ITPR1: variants seen among roughly 807,000 people sequenced by gnomAD.
ITPR1 encodes inositol 1,4,5-trisphosphate-gated calcium channel ITPR1.
In ITPR1, 96 loss-of-function variants were observed where a neutral mutation model predicts 318.4. That is an observed-to-expected ratio of 0.30 (90% confidence interval 0.26 to 0.36). The LOEUF (loss-of-function observed/expected upper bound fraction) is 0.36, where lower values mean the gene tolerates loss of function less well. Among genes scored for constraint, ITPR1 ranks in the 10% least tolerant of loss-of-function variants. The pLI, the probability that ITPR1 is intolerant of heterozygous loss-of-function variation, is 1.00. For missense variants in ITPR1, 2,440 were observed against 3,460.2 expected, an observed-to-expected ratio of 0.71 and a Z score of 7.40; for synonymous variants, 1,312 against 1,289.9, an observed-to-expected ratio of 1.02 and a Z score of -0.37.
rs145736829 is a variant in ITPR1 at position 4,777,631 on chromosome 3, A to T, written c.6291+257A>T. On this transcript the variant is annotated intron_variant, in intron 48 of 61. Coordinates refer to ENST00000649015, the MANE Select transcript of ITPR1 (RefSeq NM_001378452.1). Reference sequence around the variant, plus strand: ...TGAAGATTCCTTGCTCCAAGCTAAGAAGTGAATCCCAACAGCATCGAGTAC... The same window carrying T: ...TGAAGATTCCTTGCTCCAAGCTAAGTAGTGAATCCCAACAGCATCGAGTAC... Among the ~76,000 whole-genome samples the T allele has an allele frequency of 3.2e-3, 484 of 152,320 alleles. 1 individual carries two copies. Among genetic ancestry groups the T allele is most frequent in the African/African-American group, 0.011 (461 of 41,584 alleles).
intron 51 of ITPR1, among the ~76,000 whole-genome samples, chr3:4,784,488 G>A (rs1318381465): frequency 6.6e-6 from 1 of 151,858 alleles, no homozygotes; most frequent in Non-Finnish European, 1.5e-5. Flanking sequence ...TGAGAAGTCT[G>A]GGCTGCATCC....
intron 12 of ITPR1, among the ~76,000 whole-genome samples, chr3:4,656,200 A>C (rs2093704639): frequency 6.6e-6 from 1 of 152,230 alleles, no homozygotes; most frequent in Non-Finnish European, 1.5e-5. Flanking sequence ...AAAGGATGTC[A>C]GGACGCTGCC....
chr3:4,736,142 G>C (rs2043248586), intron 44 of ITPR1, among the ~76,000 whole-genome samples: 1 of 109,184 alleles, frequency 9.2e-6, no homozygotes, highest in African/African-American at 2.7e-5. Context: ...CTCTGAATAA[G>C]AGTTTTTTTT....
intron 1 of ITPR1, among the ~76,000 whole-genome samples, chr3:4,493,886 CTTT>C (rs71301158): frequency 1.6e-5 from 2 of 125,580 alleles, no homozygotes; most frequent in African/African-American, 5.9e-5. Flanking sequence ...GGAAATAGTT[CTTT>C]TTTTTTTTTT....
At chr3:4,675,314 CATACCCT>C (rs1344860463) in intron 23 of ITPR1, 66 bp downstream of exon 23, 4 of 1,162,386 alleles carry the variant, frequency 3.4e-6, no homozygotes, top group Non-Finnish European at 5.0e-6. Context: ...ATGCTCATGT[CATACCCT>C]ATATGTGATG....
At chr3:4,542,021 C>T (rs1323474896) in intron 4 of ITPR1, among the ~76,000 whole-genome samples, 1 of 152,096 alleles carries the variant, frequency 6.6e-6, no homozygotes, top group African/African-American at 2.4e-5. Context: ...TATTTCTGTT[C>T]TATTATAATC....
intron 4 of ITPR1, among the ~76,000 whole-genome samples, chr3:4,602,798 A>G (rs1410744322): frequency 6.6e-6 from 1 of 152,132 alleles, no homozygotes; most frequent in Non-Finnish European, 1.5e-5. Context: ...TATGTAAAAT[A>G]CCGAGAATTC....
chr3:4,529,389 G>A (rs551022173), intron 4 of ITPR1, among the ~76,000 whole-genome samples: 1 of 151,978 alleles, frequency 6.6e-6, no homozygotes, highest in Admixed American at 6.6e-5. Context: ...GCGTAATGGG[G>A]TCATATTGTC....
In ITPR1 at chr3:4,846,005, T is replaced by A. The variant is rs941774462; in HGVS notation, c.8191-134T>A. 3.7e-5 allele frequency: 19 copies of A among 512,290 alleles called. No individual in the cohort carries two copies. The Admixed American group carries it at 7.3e-4, about 20-fold the overall frequency. 31.7% of individuals were successfully genotyped at this position (512,290 alleles called of 1,614,324 possible). On this transcript the variant is annotated intron_variant, in intron 61 of 61. Coordinates refer to ENST00000649015, the MANE Select transcript of ITPR1 (RefSeq NM_001378452.1). ...TTTTTGAAGTGCTGTGTGTTTGATATAGCGATGGTACACTATTTGTAGAAA... is the reference window on the plus strand; with the variant it reads ...TTTTTGAAGTGCTGTGTGTTTGATAAAGCGATGGTACACTATTTGTAGAAA...
chr3:4,670,760 G>C lies in ITPR1; in HGVS notation c.2038G>C (p.Val680Leu), dbSNP rs777559004. The C allele has an allele frequency of 1.2e-6, 2 of 1,601,710 alleles. No individual in the cohort carries two copies. The highest frequency in any genetic ancestry group is 1.7e-6 in the Non-Finnish European group (2 of 1,173,606). Residue 680 changes from valine (V) to leucine (L), a missense_variant, in exon 20 of 62, where the codon GTC becomes CTC. Physicochemically the swap from Val to Leu is conservative, Grantham distance 32 (BLOSUM62 1). Around this residue, in one of 23 missense-constraint regions of ITPR1, gnomAD observed 478 missense variants for 696.3 expected, o/e 0.69. Transcript: ENST00000649015. ...TCTTTCTCGTTTTGAATTTGAAGGT[G>C]TCTCTTCCACTGGAGAGAATGCTCT... is the stretch of plus-strand genomic sequence containing the variant. The part of the protein sequence containing the change: ...LVLSRFEFEG[V>L]SSTGENALEA...
intron 37 of ITPR1, among the ~76,000 whole-genome samples, chr3:4,707,084 TG>T (rs1482267163): frequency 1.3e-5 from 2 of 152,210 alleles, no homozygotes; most frequent in East Asian, 3.8e-4. Flanking sequence ...GGTGTAATCT[TG>T]GGAAAGTTAC....
At chr3:4,708,389 G>A (rs997545763) in intron 37 of ITPR1, among the ~76,000 whole-genome samples, 4 of 152,186 alleles carry the variant, frequency 2.6e-5, no homozygotes, top group African/African-American at 7.2e-5. Flanking sequence ...AGTTGAGTGT[G>A]GCTGGAGCCA....
intron 60 of ITPR1, among the ~76,000 whole-genome samples, chr3:4,836,075 A>C (rs1439346604): frequency 6.6e-6 from 1 of 152,218 alleles, no homozygotes; most frequent in East Asian, 1.9e-4. Context: ...AAACGCATAC[A>C]TGCACACGTA....
intron 60 of ITPR1, among the ~76,000 whole-genome samples, chr3:4,821,253 C>G (rs938624865): frequency 6.6e-6 from 1 of 152,228 alleles, no homozygotes; most frequent in East Asian, 1.9e-4. Flanking sequence ...TACCTCTTGC[C>G]TAACTGCAGA....
intron 50 of ITPR1, among the ~76,000 whole-genome samples, chr3:4,783,218 T>C (rs1181152061): frequency 6.6e-6 from 1 of 152,160 alleles, no homozygotes; most frequent in African/African-American, 2.4e-5. Flanking sequence ...AAATGCCATG[T>C]TTCATAATTC....
chr3:4,674,212 A>G lies in ITPR1; in HGVS notation c.2467A>G (p.Ser823Gly). ...CTCCTTTCTTTTCAGCTATGATAGT[A>G]GTGGAGCTTCCAAAGATGAAATTAA... The part of the protein sequence containing the change: ...SEIAIDDYDS[S>G]GASKDEIKER... The change falls in exon 22 of 62, where the codon AGT becomes GGT. Residue 823 changes from serine to glycine, a missense_variant. Around this residue, in one of 23 missense-constraint regions of ITPR1, gnomAD observed 478 missense variants for 696.3 expected, o/e 0.69. Transcript: ENST00000649015. 6.4e-7 allele frequency: 1 copy of G among 1,550,854 alleles called. No individual in the cohort carries two copies. Among genetic ancestry groups the G allele is most frequent in the Non-Finnish European group, 8.7e-7 (1 of 1,146,910 alleles).
chr3:4,811,581 C>T, intron 56 of ITPR1, 121 bp downstream of exon 56: 1 of 722,540 alleles, frequency 1.4e-6, no homozygotes, highest in Non-Finnish European at 2.2e-6. Flanking sequence ...CCCTAACACG[C>T]AGAGTGTGAA....
intron 56 of ITPR1, 96 bp downstream of exon 56, chr3:4,811,556 C>A: frequency 1.1e-6 from 1 of 951,338 alleles, no homozygotes. Context: ...ATGCAGATAT[C>A]TCCCCATTGT....
chr3:4,649,456 A>G (rs905132059), intron 10 of ITPR1, among the ~76,000 whole-genome samples: 5 of 152,202 alleles, frequency 3.3e-5, no homozygotes, highest in African/African-American at 7.2e-5. Context: ...TCTGTAGCTT[A>G]TTGATCACCC....
Sources: allele counts gnomAD v4.1 joint callset (sites outside exome capture counted in the v4.1 genomes callset), GRCh38; gene constraint gnomAD v4.1.1; regional missense constraint gnomAD v4.1.1; transcripts MANE v1.5; gene names NCBI Gene and HGNC (gene_info 2026-07-23, HGNC 2026-07-21).